GRB10: variants seen among roughly 807,000 people sequenced by gnomAD.
GRB10 encodes growth factor receptor-bound protein 10.
Under a neutral mutation model 80.9 loss-of-function variants are expected in GRB10, and 20 were observed. That is an observed-to-expected ratio of 0.25 (90% CI 0.17 to 0.36). The LOEUF (loss-of-function observed/expected upper bound fraction) is 0.36. GRB10 is among the 10% of genes least tolerant of loss of function. GRB10 has a pLI of 1.00. For synonymous variants in GRB10, 291 were observed against 291.5 expected (o/e 1.00, Z 0.02); for missense variants, 548 against 747.7 (o/e 0.73, Z 3.12).
In GRB10 at chr7:50,748,197, C is replaced by T. The variant is rs1290414071; in HGVS notation, c.-47+7690G>A. Among the ~76,000 whole-genome samples, 7 of 152,138 alleles carry T rather than the reference C, an allele frequency of 4.6e-5. No individual in the cohort carries two copies. The East Asian group carries it at 9.7e-4, about 21-fold the overall frequency. On this transcript the variant is annotated intron_variant, in intron 3 of 18. Coordinates refer to ENST00000401949, the MANE Select transcript of GRB10 (RefSeq NM_001350814.2). Reference sequence around the variant, plus strand: ...CATCTTTAACGGGGTCCTGTGGTTTCGGATTAATTAAGGAAGCCCTAGGTA... The same window carrying T: ...CATCTTTAACGGGGTCCTGTGGTTTTGGATTAATTAAGGAAGCCCTAGGTA...
intron 5 of GRB10, among the ~76,000 whole-genome samples, chr7:50,701,488 G>A (rs1197205450): frequency 2.0e-5 from 3 of 152,216 alleles, no homozygotes; most frequent in African/African-American, 7.2e-5. Context: ...GTACTCGGGA[G>A]GCTGAGGCTG....
intron 2 of GRB10, among the ~76,000 whole-genome samples, chr7:50,766,077 A>G (rs2076314040): frequency 6.6e-6 from 1 of 152,244 alleles, no homozygotes; most frequent in Non-Finnish European, 1.5e-5. Flanking sequence ...CTCTCTACAG[A>G]CTTCTGGGTT....
chr7:50,731,485 C>T (rs550428455), intron 4 of GRB10, among the ~76,000 whole-genome samples: 7 of 152,282 alleles, frequency 4.6e-5, no homozygotes, highest in Middle Eastern at 6.8e-3. Context: ...TAGGACTGCT[C>T]CAGCCGAAAA....
chr7:50,771,822 A>G (rs945431436), intron 2 of GRB10, among the ~76,000 whole-genome samples: 1 of 152,224 alleles, frequency 6.6e-6, no homozygotes, highest in African/African-American at 2.4e-5. Context: ...AATGCTTAAC[A>G]AGAGGAAAGA....
intron 2 of GRB10, chr7:50,779,649 C>T (rs528640473): frequency 6.6e-6 from 1 of 152,316 alleles, no homozygotes; most frequent in South Asian, 2.1e-4. Context: ...GCACTCCTTG[C>T]CATTCTCATC....
intron 3 of GRB10, among the ~76,000 whole-genome samples, chr7:50,743,491 C>T (rs1435759912): frequency 6.6e-6 from 1 of 152,226 alleles, no homozygotes; most frequent in Non-Finnish European, 1.5e-5. Context: ...TCCCTACTGT[C>T]ATTTGTGGGA....
chr7:50,607,505 T>A (rs1265037141), intron 13 of GRB10, among the ~76,000 whole-genome samples: 2 of 152,146 alleles, frequency 1.3e-5, no homozygotes, highest in Admixed American at 6.5e-5. Context: ...CATAATAACA[T>A]CAAGAGCAAG....
intron 13 of GRB10, among the ~76,000 whole-genome samples, chr7:50,609,347 A>C (rs1014785353): frequency 6.6e-6 from 1 of 152,252 alleles, no homozygotes; most frequent in Non-Finnish European, 1.5e-5. Context: ...AAATCATTAA[A>C]TAAATTAATA....
chr7:50,747,183 G>A (rs181762733), intron 3 of GRB10, among the ~76,000 whole-genome samples: 29 of 152,250 alleles, frequency 1.9e-4, no homozygotes, highest in Admixed American at 1.6e-3. Context: ...GTCGCTGCTG[G>A]TGGGCACTAC....
chr7:50,769,739 G>A (rs1259655958), intron 2 of GRB10, among the ~76,000 whole-genome samples: 1 of 152,038 alleles, frequency 6.6e-6, no homozygotes, highest in Non-Finnish European at 1.5e-5. Flanking sequence ...TGGGGAGGAA[G>A]AGAATGCAGA....
intron 2 of GRB10, among the ~76,000 whole-genome samples, chr7:50,759,567 ATTG>A (rs1411459166): frequency 1.3e-5 from 2 of 152,136 alleles, no homozygotes; most frequent in Non-Finnish European, 2.9e-5. Context: ...TAAATGCTAT[ATTG>A]TTTATGCTGT....
intron 13 of GRB10, among the ~76,000 whole-genome samples, chr7:50,607,686 T>G (rs2048780583): frequency 1.3e-5 from 2 of 152,212 alleles, no homozygotes; most frequent in South Asian, 2.1e-4. Context: ...CTGCCCGCAG[T>G]CACGACTTTG....
At position 50,782,434 on chromosome 7, in the gene GRB10, G is replaced by C. The variant is rs2078392951; in HGVS notation, c.-337C>G. 1 of 148,772 alleles carries C rather than the reference G, an allele frequency of 6.7e-6. No homozygotes were observed. The highest frequency in any genetic ancestry group is 2.4e-5 in the African/African-American group (1 of 41,086). The allele number at this position is 148,772 out of a possible 1,614,324, so 9.2% of individuals were successfully genotyped here. A position where few individuals can be genotyped will look rare whatever the true frequency, so the allele number is the denominator to read the frequency against. On this transcript the variant is annotated 5_prime_UTR_variant, in exon 1 of 19. Transcript: ENST00000401949. This position sits in a 1 kb window ranked among gnomAD's most constrained non-coding sequence, Gnocchi z 6.6. Reference sequence around the variant, plus strand: ...AGCCCACCTGAGTACCTGGAGAGCGGGCGGCAGCACTGGCCGCACGGGGTC... The same window carrying C: ...AGCCCACCTGAGTACCTGGAGAGCGCGCGGCAGCACTGGCCGCACGGGGTC...
Position 50,749,137 on chromosome 7 carries a change from T to G in GRB10, c.-47+6750A>C, listed in dbSNP as rs573657995. Among the ~76,000 whole-genome samples, 165 of 145,240 alleles carry G rather than the reference T, an allele frequency of 1.1e-3. 4 individuals are homozygous for G. Among genetic ancestry groups the G allele is most frequent in the African/African-American group, 4.0e-3 (161 of 40,320 alleles). ...GTTTTGTTTTGTTTTTTTGTTTGTT[T>G]TTTTTTTTTGAGATGGAGTCTCACT... On this transcript the variant is annotated intron_variant, in intron 3 of 18. Transcript: ENST00000401949.
intron 1 of GRB10, among the ~76,000 whole-genome samples, chr7:50,788,241 G>A (rs1354669458): frequency 6.6e-6 from 1 of 152,188 alleles, no homozygotes; most frequent in African/African-American, 2.4e-5. Context: ...AGGGATGAAA[G>A]TTAAAAATCA....
At position 50,597,293 on chromosome 7, in the gene GRB10, T is replaced by C. The variant is rs574969908; in HGVS notation, c.1545-1763A>G. On this transcript the variant is annotated intron_variant, in intron 17 of 18. Transcript: ENST00000401949. ...AAACACCGATCAGAATGGGATTCCA[T>C]GGTTTGGCTTGGTCAGGCCAGATGG... is the stretch of plus-strand genomic sequence containing the variant. 7.2e-5 allele frequency among the ~76,000 whole-genome samples: 11 copies of C among 152,308 alleles called. No individual in the cohort carries two copies. The South Asian group carries it at 2.3e-3, about 32-fold the overall frequency.
intron 13 of GRB10, among the ~76,000 whole-genome samples, chr7:50,607,557 C>A (rs1384571730): frequency 6.6e-6 from 1 of 152,178 alleles, no homozygotes; most frequent in Non-Finnish European, 1.5e-5. Flanking sequence ...ATGTCTAAGA[C>A]ACTATGTGTC....
At chr7:50,722,518 T>C (rs143884480) in intron 4 of GRB10, among the ~76,000 whole-genome samples, 18 of 152,120 alleles carry the variant, frequency 1.2e-4, no homozygotes, top group East Asian at 9.7e-4. Context: ...CAGGAGAACA[T>C]AGTTGATGGG....
intron 5 of GRB10, among the ~76,000 whole-genome samples, chr7:50,684,910 T>C (rs1586854578): frequency 6.6e-6 from 1 of 152,180 alleles, no homozygotes; most frequent in Non-Finnish European, 1.5e-5. Context: ...AAATAACTTG[T>C]CATTCTGGAA....
Sources: gnomAD v4.1 joint callset for allele counts (sites outside exome capture counted in the v4.1 genomes callset) on GRCh38, gnomAD v4.1.1 for gene constraint, Gnocchi (gnomAD v3.1) non-coding constraint, MANE v1.5 for transcripts, NCBI Gene and HGNC (gene_info 2026-07-23, HGNC 2026-07-21) for gene names.